Variants in ERC1 observed in about 807,000 individuals in gnomAD.
The protein encoded by ERC1 is ELKS/RAB6-interacting/CAST family member 1.
In ERC1, 56 loss-of-function variants were observed where a neutral mutation model predicts 132.0. The observed-to-expected ratio is 0.42, with a 90% CI of 0.34 to 0.53. ERC1 has a LOEUF of 0.53. Among genes scored for constraint, ERC1 ranks in the 20% least tolerant of loss-of-function variants. The pLI is 0.03. For missense variants in ERC1, 1,202 were observed against 1,349.9 expected (o/e 0.89, Z 1.72); for synonymous variants, 478 against 476.1 (o/e 1.00, Z -0.05).
In ERC1 at chr12:1,293,534, C is replaced by T. The variant is rs2079648387; in HGVS notation, c.2780+3522C>T. Reference sequence around the variant, plus strand: ...ATCCCAGCTACTCAGGAGGCCGAGGCAGGAGAATCACTTGAACCCAGGAGG... The same window carrying T: ...ATCCCAGCTACTCAGGAGGCCGAGGTAGGAGAATCACTTGAACCCAGGAGG... On this transcript the variant is annotated intron_variant, in intron 15 of 18. Coordinates refer to ENST00000360905, the MANE Select transcript of ERC1 (RefSeq NM_178040.4). Among the ~76,000 whole-genome samples, 7 of 129,520 alleles carry T rather than the reference C, an allele frequency of 5.4e-5. 1 individual carries two copies. In the South Asian group the frequency reaches 1.7e-3, roughly 31 times the overall value. The allele number at this position is 129,520 out of a possible 152,430, so 85.0% of individuals were successfully genotyped here.
At chr12:1,259,604 A>T (rs758785788) in intron 13 of ERC1, among the ~76,000 whole-genome samples, 3 of 143,754 alleles carry the variant, frequency 2.1e-5, no homozygotes, top group South Asian at 2.2e-4. Context: ...GCTCACTGCA[A>T]CCTCCACCTC....
chr12:1,259,485 T>G (rs1213644080), intron 13 of ERC1, among the ~76,000 whole-genome samples: 1 of 151,686 alleles, frequency 6.6e-6, no homozygotes, highest in African/African-American at 2.4e-5. Flanking sequence ...TTTTCCTTTT[T>G]GTTTTTCCTG....
At chr12:1,322,813 T>C (rs1255586939) in intron 15 of ERC1, among the ~76,000 whole-genome samples, 1 of 152,190 alleles carries the variant, frequency 6.6e-6, no homozygotes, top group Non-Finnish European at 1.5e-5. Flanking sequence ...GCGACCTTAA[T>C]TTGTCCATTT....
chr12:1,433,735 G>C (rs1168149258), intron 17 of ERC1, among the ~76,000 whole-genome samples: 1 of 152,208 alleles, frequency 6.6e-6, no homozygotes. Context: ...GTCAGCAGTA[G>C]CATCTCATGC....
chr12:1,417,317 G>C (rs2092164854), intron 17 of ERC1, among the ~76,000 whole-genome samples: 1 of 152,022 alleles, frequency 6.6e-6, no homozygotes, highest in Non-Finnish European at 1.5e-5. Context: ...CTTTCTGCCA[G>C]CCCTTTTTGC....
intron 15 of ERC1, among the ~76,000 whole-genome samples, chr12:1,326,867 G>T (rs1270961722): frequency 6.6e-6 from 1 of 151,762 alleles, no homozygotes; most frequent in Non-Finnish European, 1.5e-5. Flanking sequence ...ATTACTCCAG[G>T]CTCAATTATA....
chr12:1,161,866 G>C (rs947568295), intron 8 of ERC1, among the ~76,000 whole-genome samples: 10 of 152,022 alleles, frequency 6.6e-5, no homozygotes, highest in African/African-American at 2.4e-4. Context: ...TTTCTTTCAT[G>C]AATATTATAA....
chr12:1,241,883 G>T (rs2075829113), intron 13 of ERC1, among the ~76,000 whole-genome samples: 1 of 100,890 alleles, frequency 9.9e-6, no homozygotes, highest in Non-Finnish European at 1.8e-5. Flanking sequence ...TTGTGATGGA[G>T]TCTCTTGCCC....
At chr12:1,010,506 T>A (rs949275266) in intron 1 of ERC1, among the ~76,000 whole-genome samples, 4 of 118,072 alleles carry the variant, frequency 3.4e-5, no homozygotes, top group Non-Finnish European at 5.1e-5. Flanking sequence ...AGAAAGGAAA[T>A]ATGATTTTTT....
At chr12:1,111,096 T>C (rs1390566494) in intron 5 of ERC1, among the ~76,000 whole-genome samples, 6 of 152,172 alleles carry the variant, frequency 3.9e-5, no homozygotes, top group Admixed American at 6.5e-5. Flanking sequence ...TGCCCTATCC[T>C]GTGGGGAAGA....
At chr12:1,442,846 A>G (rs1398162235) in intron 17 of ERC1, among the ~76,000 whole-genome samples, 1 of 152,238 alleles carries the variant, frequency 6.6e-6, no homozygotes, top group Non-Finnish European at 1.5e-5. Flanking sequence ...GCTGATTTAT[A>G]TAAATTTATT....
chr12:1,258,019 T>A (rs1209064994), intron 13 of ERC1, among the ~76,000 whole-genome samples: 21 of 152,222 alleles, frequency 1.4e-4, no homozygotes, highest in Non-Finnish European at 7.3e-5. Flanking sequence ...TAGCTAGTTG[T>A]TGCTAGTGGC....
At chr12:1,363,543 C>CTTTTTTTTTTT (rs34769986) in intron 15 of ERC1, among the ~76,000 whole-genome samples, 1 of 94,336 alleles carries the variant, frequency 1.1e-5, no homozygotes, top group Non-Finnish European at 2.1e-5. Context: ...TATTTCTTTC[C>CTTTTTTTTTTT]TTTTTTTTTT....
chr12:1,193,762 C>G (rs542768852), intron 12 of ERC1, among the ~76,000 whole-genome samples: 2 of 152,116 alleles, frequency 1.3e-5, no homozygotes, highest in Admixed American at 1.3e-4. Flanking sequence ...TAAAATCTTT[C>G]CAAAGGATTC....
intron 15 of ERC1, among the ~76,000 whole-genome samples, chr12:1,344,333 G>A (rs1435108086): frequency 6.6e-6 from 1 of 152,158 alleles, no homozygotes; most frequent in African/African-American, 2.4e-5. Context: ...TGAGTATGCA[G>A]TAGATTCCGT....
In ERC1 at chr12:1,444,650, A is replaced by C; in HGVS notation, c.3113A>C (p.Asp1038Ala). ...GHLTTLCHDRDPLILRGLTPP... is the reference protein window; with the variant it reads ...GHLTTLCHDRAPLILRGLTPP... ...CTGACAACCCTCTGCCATGACCGAG[A>C]CCCCCTGATCCTCCGTGGACTCACT... is the stretch of plus-strand genomic sequence containing the variant. The change falls in exon 18 of 19, where the codon GAC (aspartate) becomes GCC (alanine). Residue 1038 changes from aspartate (D) to alanine (A), a missense_variant. Coordinates refer to ENST00000360905, the MANE Select transcript of ERC1 (RefSeq NM_178040.4). 6.2e-7 allele frequency: 1 copy of C among 1,613,988 alleles called. No individual in the cohort carries two copies. The highest frequency in any genetic ancestry group is 1.1e-5 in the South Asian group (1 of 91,072).
At chr12:1,268,022 C>T (rs951451959) in intron 14 of ERC1, among the ~76,000 whole-genome samples, 21 of 152,254 alleles carry the variant, frequency 1.4e-4, no homozygotes, top group Middle Eastern at 3.4e-3. Flanking sequence ...TAAAGTTCTT[C>T]ATTGGCTGAA....
intron 15 of ERC1, among the ~76,000 whole-genome samples, chr12:1,312,562 T>A (rs903688923): frequency 1.3e-5 from 2 of 152,170 alleles, no homozygotes; most frequent in Non-Finnish European, 2.9e-5. Flanking sequence ...TTTCACCATG[T>A]GGGTCAGGCT....
intron 16 of ERC1, among the ~76,000 whole-genome samples, chr12:1,401,810 A>G (rs1206364925): frequency 6.6e-6 from 1 of 152,144 alleles, no homozygotes; most frequent in Non-Finnish European, 1.5e-5. Flanking sequence ...ATAATCAATA[A>G]ATCTAGTTAT....
Sources: gnomAD v4.1 joint callset for allele counts (sites outside exome capture counted in the v4.1 genomes callset) on GRCh38, gnomAD v4.1.1 for gene constraint, MANE v1.5 for transcripts, NCBI Gene and HGNC (gene_info 2026-07-23, HGNC 2026-07-21) for gene names.